Variants in NALCN observed in about 807,000 individuals in gnomAD.
NALCN encodes the protein sodium leak channel NALCN.
NALCN carries 111 observed loss-of-function variants against 225.3 expected under a neutral mutation model. That is an observed-to-expected ratio of 0.49 (90% CI 0.42 to 0.58). The LOEUF (loss-of-function observed/expected upper bound fraction) is 0.58, where lower values mean the gene tolerates loss of function less well. Ranked by LOEUF, NALCN falls within the 20% of genes least tolerant of loss-of-function variation. The probability of loss-of-function intolerance (pLI) is 0.00; values close to 1 mark genes in which losing one functional copy is unlikely to be tolerated. For synonymous variants in NALCN, 764 were observed against 769.0 expected (o/e 0.99, Z 0.11); for missense variants, 1,378 against 2,202.4 (o/e 0.63, Z 7.49).
In NALCN at chr13:101,176,440, A is replaced by G. The variant is rs1342087184; in HGVS notation, c.1765-66T>C. 8.5e-6 allele frequency: 10 copies of G among 1,178,304 alleles called. No homozygotes were observed. In the Admixed American group the frequency reaches 2.5e-4, roughly 29 times the overall value. The allele number at this position is 1,178,304 out of a possible 1,614,324, so 73.0% of individuals were successfully genotyped here. A position where few individuals can be genotyped will look rare whatever the true frequency, so the allele number is the denominator to read the frequency against. ...ATAAGTATCAAAATATTATATGTAT[A>G]ATATAGCTACCTAAAATATATTGAG... On this transcript the variant is annotated intron_variant, in intron 14 of 43. Transcript: ENST00000251127.
intron 11 of NALCN, among the ~76,000 whole-genome samples, chr13:101,253,498 T>C (rs952715450): frequency 1.3e-5 from 2 of 152,210 alleles, no homozygotes; most frequent in African/African-American, 4.8e-5. Flanking sequence ...TCTATAAACT[T>C]GAATTGCTGT....
intron 7 of NALCN, among the ~76,000 whole-genome samples, chr13:101,317,955 A>G (rs2044612434): frequency 1.3e-5 from 2 of 152,196 alleles, no homozygotes; most frequent in South Asian, 4.1e-4. Context: ...ACCCTGTGAT[A>G]ATAGAGGAGG....
rs76104046 is a variant in NALCN at position 101,395,505 on chromosome 13, A to AT, written c.109-141_109-140insA. ...GGAGGTGAAGAAGAAGAAATCTAAC[A>AT]CTAAGTGCATATAATGTGCTACAAA... On this transcript the variant is annotated intron_variant, in intron 2 of 43. Coordinates refer to ENST00000251127, the MANE Select transcript of NALCN (RefSeq NM_052867.4). 136,924 of 717,640 alleles carry AT rather than the reference A, an allele frequency of 0.19. 16,669 individuals are homozygous for AT. The highest frequency in any genetic ancestry group is 0.4 in the East Asian group (13,900 of 34,686). The allele number at this position is 717,640 out of a possible 1,614,324, so 44.5% of individuals were successfully genotyped here. A position where few individuals can be genotyped will look rare whatever the true frequency, so the allele number is the denominator to read the frequency against.
chr13:101,283,313 T>G (rs967233086), intron 10 of NALCN, among the ~76,000 whole-genome samples: 7 of 152,138 alleles, frequency 4.6e-5, no homozygotes, highest in African/African-American at 1.7e-4. Context: ...AGGAGTTTAT[T>G]GGGCCTTATT....
At position 101,083,724 on chromosome 13, in the gene NALCN, A is replaced by G. The variant is rs686141; in HGVS notation, c.3570T>C (p.Leu1190=). 0.72 allele frequency: 1,162,690 copies of G among 1,612,644 alleles called. 423,117 individuals carry two copies. The highest frequency in any genetic ancestry group is 0.85 in the African/African-American group (63,465 of 74,950). The change falls in exon 31 of 44, where the codon CTT becomes CTC. Residue 1190 remains leucine (L), a synonymous_variant. Coordinates refer to ENST00000251127, the MANE Select transcript of NALCN (RefSeq NM_052867.4). Reference sequence around the variant, plus strand: ...CATTTTGGGTACCCGGGCGAGGCGGAAGATGAAGAGGCTGTGCGATCTTCA... The same window carrying G: ...CATTTTGGGTACCCGGGCGAGGCGGGAGATGAAGAGGCTGTGCGATCTTCA... The part of the protein sequence containing the change: ...SRLKIAQPLH[L]PPRPDNDGFR...
intron 9 of NALCN, among the ~76,000 whole-genome samples, chr13:101,285,322 T>C (rs1272694229): frequency 1.3e-5 from 2 of 151,988 alleles, no homozygotes; most frequent in African/African-American, 2.4e-5. Flanking sequence ...TGGGGGGAGA[T>C]AGAGTCCTGC....
chr13:101,281,858 A>AT (rs959073560), intron 10 of NALCN, among the ~76,000 whole-genome samples: 6 of 152,170 alleles, frequency 3.9e-5, no homozygotes, highest in Non-Finnish European at 4.4e-5. Flanking sequence ...TTCTGAGTAG[A>AT]TTTTTTTCCA....
chr13:101,142,115 T>A (rs1283089317), intron 17 of NALCN, among the ~76,000 whole-genome samples: 2 of 150,564 alleles, frequency 1.3e-5, no homozygotes, highest in East Asian at 3.9e-4. Context: ...TTACTTATTA[T>A]ACCTAGATAA....
intron 28 of NALCN, among the ~76,000 whole-genome samples, chr13:101,093,213 G>A (rs1361377528): frequency 6.6e-6 from 1 of 152,154 alleles, no homozygotes; most frequent in Non-Finnish European, 1.5e-5. Flanking sequence ...TCAGAAGAAA[G>A]TACATTTATT....
intron 3 of NALCN, among the ~76,000 whole-genome samples, chr13:101,391,512 G>A (rs796500524): frequency 6.6e-6 from 1 of 151,384 alleles, no homozygotes; most frequent in East Asian, 1.9e-4. Flanking sequence ...GCAAGACCCT[G>A]TCTCTAAAAA....
chr13:101,157,750 CTTT>C (rs11322942), intron 15 of NALCN, among the ~76,000 whole-genome samples: 3 of 138,698 alleles, frequency 2.2e-5, no homozygotes, highest in Non-Finnish European at 1.6e-5. Flanking sequence ...GGGACATGGT[CTTT>C]TTTTTTTTTT....
intron 7 of NALCN, among the ~76,000 whole-genome samples, chr13:101,295,061 T>C (rs1362856935): frequency 2.0e-5 from 3 of 152,172 alleles, no homozygotes; most frequent in Admixed American, 2.0e-4. Context: ...CTTATCCATA[T>C]GAACAGGCGC....
At chr13:101,105,410 T>C (rs2035043166) in intron 22 of NALCN, among the ~76,000 whole-genome samples, 1 of 152,182 alleles carries the variant, frequency 6.6e-6, no homozygotes, top group Non-Finnish European at 1.5e-5. Flanking sequence ...TTAGAATTTC[T>C]TGGAAGGGAG....
chr13:101,367,710 G>T (rs2046416338), intron 6 of NALCN, among the ~76,000 whole-genome samples: 1 of 152,086 alleles, frequency 6.6e-6, no homozygotes, highest in Non-Finnish European at 1.5e-5. Flanking sequence ...AAGGTTACAT[G>T]TACATTTTCA....
chr13:101,312,654 C>T (rs1171312730), intron 7 of NALCN, among the ~76,000 whole-genome samples: 4 of 152,094 alleles, frequency 2.6e-5, no homozygotes, highest in Admixed American at 2.6e-4. Context: ...GTTCAGTTTC[C>T]ATGTAGTTGA....
At chr13:101,116,567 A>AATGTAT (rs761997110) in intron 18 of NALCN, 2 of 515,148 alleles carry the variant, frequency 3.9e-6, no homozygotes, top group South Asian at 2.8e-5. Context: ...GTCCCAGAAC[A>AATGTAT]AGGGTGTGGA....
chr13:101,364,917 T>A (rs764270303), intron 6 of NALCN, among the ~76,000 whole-genome samples: 1 of 152,172 alleles, frequency 6.6e-6, no homozygotes, highest in Non-Finnish European at 1.5e-5. Context: ...GAAGACGTCA[T>A]AGACCGTTGC....
At chr13:101,190,354 T>C (rs1284456497) in intron 14 of NALCN, among the ~76,000 whole-genome samples, 2 of 152,176 alleles carry the variant, frequency 1.3e-5, no homozygotes, top group African/African-American at 4.8e-5. Context: ...ACAAGTAGCT[T>C]AATAAACTTA....
intron 18 of NALCN, among the ~76,000 whole-genome samples, chr13:101,114,328 A>G (rs1055616444): frequency 1.3e-5 from 2 of 152,172 alleles, no homozygotes; most frequent in African/African-American, 4.8e-5. Flanking sequence ...TGCTTTGGAA[A>G]CATCAACGCT....
Sources: gnomAD v4.1 joint callset for allele counts (sites outside exome capture counted in the v4.1 genomes callset) on GRCh38, gnomAD v4.1.1 for gene constraint, MANE v1.5 for transcripts, NCBI Gene and HGNC (gene_info 2026-07-23, HGNC 2026-07-21) for gene names.